The following ABCB6 variants were observed in gnomAD, a reference collection of about 807,000 sequenced individuals.
ABCB6 encodes ATP binding cassette subfamily B member 6 (LAN blood group), also known as ATP-binding cassette sub-family B member 6.
ABCB6 carries 87 observed loss-of-function variants against 99.4 expected under a neutral mutation model. The observed-to-expected ratio is 0.88, with a 90% CI of 0.74 to 1.05. The LOEUF (loss-of-function observed/expected upper bound fraction) is 1.05, where lower values mean the gene tolerates loss of function less well. Ranked by LOEUF, ABCB6 falls within the 50% of genes least tolerant of loss-of-function variation. The pLI, the probability that ABCB6 is intolerant of heterozygous loss-of-function variation, is 0.00. For missense variants in ABCB6, 1,050 were observed against 1,097.9 expected, an observed-to-expected ratio of 0.96 and a Z score of 0.62; for synonymous variants, 482 against 447.5, an observed-to-expected ratio of 1.08 and a Z score of -0.97.
rs777660932 is a variant in ABCB6 at position 219,210,024 on chromosome 2, C to A, written c.2443G>T (p.Gly815Cys). The change falls in exon 19 of 19, where the codon GGT (glycine) becomes TGT (cysteine). Residue 815 changes from glycine (G) to cysteine (C), a missense_variant. Gly to Cys is a radical substitution (Grantham distance 159). Transcript: ENST00000265316. ...TGCCACATGTCAGCATACACCCCAC[C>A]TCGGGACAACAGAGCCTCGTGTCTG... ...RGRHEALLSRGGVYADMWQLQ... is the reference protein window; with the variant it reads ...RGRHEALLSRCGVYADMWQLQ... 7 of 1,614,158 alleles carry A rather than the reference C, an allele frequency of 4.3e-6. No individual in the cohort carries two copies. In the South Asian group the frequency reaches 7.7e-5, roughly 18 times the overall value.
chr2:219,210,360 C>T, intron 17 of ABCB6, 21 bp downstream of exon 17: 1 of 1,614,224 alleles, frequency 6.2e-7, no homozygotes. Context: ...CACCAGCCGC[C>T]CCAGGCCTGT....
chr2:219,210,788 G>C lies in ABCB6; in HGVS notation c.2179C>G (p.Leu727Val). The change falls in exon 16 of 19, where the codon CTG becomes GTG. Residue 727 changes from leucine (L) to valine (V), a missense_variant. Transcript: ENST00000265316. ...ACGCGCTGCTTCTCCCCGCCGCTCA[G>C]CTTCAGTCCCCGCTCGCCCACCTGT... ...RTQVGERGLK[L>V]SGGEKQRVAI... 2 of 1,613,856 alleles carry C rather than the reference G, an allele frequency of 1.2e-6. No individual in the cohort carries two copies. The highest frequency in any genetic ancestry group is 1.7e-6 in the Non-Finnish European group (2 of 1,180,022).
Position 219,218,346 on chromosome 2 carries a change from C to T in ABCB6, c.328G>A (p.Ala110Thr), listed in dbSNP as rs1456712156. ...GAPLPSYLLL[A>T]SVLESLAGAC... ...CCGGCCAGACTCTCCAGCACGGAGG[C>T]CAGAAGTAGATAGCTTGGCAGTGGG... Residue 110 changes from alanine to threonine, a missense_variant, in exon 1 of 19, where the codon GCC (alanine) becomes ACC (threonine). Ala to Thr is a moderately conservative substitution (Grantham distance 58). Coordinates refer to ENST00000265316, the MANE Select transcript of ABCB6 (RefSeq NM_005689.4). 1 of 1,613,026 alleles carries T rather than the reference C, an allele frequency of 6.2e-7. No homozygotes were observed. Among genetic ancestry groups the T allele is most frequent in the Non-Finnish European group, 8.5e-7 (1 of 1,180,034 alleles).
Position 219,218,458 on chromosome 2 carries a change from G to A in ABCB6, c.216C>T (p.Pro72=). The change falls in exon 1 of 19, where the codon CCC becomes CCT. Residue 72 remains proline, a synonymous_variant. Coordinates refer to ENST00000265316, the MANE Select transcript of ABCB6 (RefSeq NM_005689.4). ...TGGCCAGAAGCAGCTGCAGCACGTA[G>A]GGAGAGATGCGAGGGCCGGCCCCCC... ...LSWGAGPRIS[P]YVLQLLLATL... 1 of 1,608,918 alleles carries A rather than the reference G, an allele frequency of 6.2e-7. No individual in the cohort carries two copies. Among genetic ancestry groups the A allele is most frequent in the Middle Eastern group, 1.7e-4 (1 of 6,052 alleles).
chr2:219,218,795 T>G lies in ABCB6; in HGVS notation c.-122A>C. 2 of 1,150,460 alleles carry G rather than the reference T, an allele frequency of 1.7e-6. No homozygotes were observed. The highest frequency in any genetic ancestry group is 2.4e-6 in the Non-Finnish European group (2 of 846,276). The allele number at this position is 1,150,460 out of a possible 1,614,324, so 71.3% of individuals were successfully genotyped here. On this transcript the variant is annotated 5_prime_UTR_variant, in exon 1 of 19. Coordinates refer to ENST00000265316, the MANE Select transcript of ABCB6 (RefSeq NM_005689.4). ...CTCACGTAGCCGCTGGGCGCCAAGCTGCGGGGGTCCCGGGAAGGGACGCAC... is the reference window on the plus strand; with the variant it reads ...CTCACGTAGCCGCTGGGCGCCAAGCGGCGGGGGTCCCGGGAAGGGACGCAC...
At position 219,209,869 on chromosome 2, in the gene ABCB6, G is replaced by C; in HGVS notation, c.*69C>G. Reference sequence around the variant, plus strand: ...ATACCCCAAGACCAGGATGAAATAAGCCAGGGAAAGGAGACACATCTTATT... The same window carrying C: ...ATACCCCAAGACCAGGATGAAATAACCCAGGGAAAGGAGACACATCTTATT... On this transcript the variant is annotated 3_prime_UTR_variant, in exon 19 of 19. Coordinates refer to ENST00000265316, the MANE Select transcript of ABCB6 (RefSeq NM_005689.4). 1 of 1,216,260 alleles carries C rather than the reference G, an allele frequency of 8.2e-7. No individual in the cohort carries two copies. The highest frequency in any genetic ancestry group is 1.2e-6 in the Non-Finnish European group (1 of 818,624). 75.3% of individuals were successfully genotyped at this position (1,216,260 alleles called of 1,614,324 possible).
At chr2:219,212,299 G>T in intron 14 of ABCB6, 88 bp downstream of exon 14, 1 of 1,135,628 alleles carries the variant, frequency 8.8e-7, no homozygotes, top group South Asian at 1.3e-5. Flanking sequence ...TTTTGCAAGG[G>T]TGACATCTCC....
In ABCB6 at chr2:219,213,847, A is replaced by G. The variant is rs752400873; in HGVS notation, c.1557T>C (p.Phe519=). The change falls in exon 9 of 19, where the codon TTT becomes TTC. Residue 519 remains phenylalanine, a synonymous_variant. Coordinates refer to ENST00000265316, the MANE Select transcript of ABCB6 (RefSeq NM_005689.4). ...TCACCTGTAGCTTCTGCTCAGTGAC[A>G]AAGTATGCGCAAAGCAGGGAGCCGG... ...LLAGSLLCAY[F]VTEQKLQVGD... 6.2e-6 allele frequency: 10 copies of G among 1,613,940 alleles called. No homozygotes were observed. In the Admixed American group the frequency reaches 1.2e-4, roughly 19 times the overall value.
In ABCB6 at chr2:219,210,761, C is replaced by G. The variant is rs1456564537; in HGVS notation, c.2206G>C (p.Ala736Pro). 4.3e-6 allele frequency: 7 copies of G among 1,613,716 alleles called. No homozygotes were observed. The East Asian group carries it at 1.6e-4, about 36-fold the overall frequency. ...GCCTTGAGGATGGTGCGGGCAATGG[C>G]GACGCGCTGCTTCTCCCCGCCGCTC... ...KLSGGEKQRV[A>P]IARTILKAPG... The change falls in exon 16 of 19, where the codon GCC becomes CCC. Residue 736 changes from alanine to proline, a missense_variant. Physicochemically the swap from Ala to Pro is conservative, Grantham distance 27 (BLOSUM62 -1). Coordinates refer to ENST00000265316, the MANE Select transcript of ABCB6 (RefSeq NM_005689.4).
At position 219,218,303 on chromosome 2, in the gene ABCB6, A is replaced by G; in HGVS notation, c.371T>C (p.Leu124Pro). The G allele has an allele frequency of 6.2e-7, 1 of 1,613,318 alleles. No homozygotes were observed. The highest frequency in any genetic ancestry group is 1.1e-5 in the South Asian group (1 of 91,084). Residue 124 changes from leucine (L) to proline (P), a missense_variant, in exon 1 of 19, where the codon CTG becomes CCG. Leu to Pro is a moderately conservative substitution (Grantham distance 98). Transcript: ENST00000265316. ...TGCCTGGCTCCGCTCCACGACAAGC[A>G]GCCACAGGCCACAGGCGCCGGCCAG... is the stretch of plus-strand genomic sequence containing the variant. ...ESLAGACGLW[L>P]LVVERSQARQ...
chr2:219,213,868 G>A lies in ABCB6; in HGVS notation c.1536C>T (p.Gly512=), dbSNP rs1465371173. Residue 512 remains glycine, a synonymous_variant, in exon 9 of 19, where the codon GGC becomes GGT. Coordinates refer to ENST00000265316, the MANE Select transcript of ABCB6 (RefSeq NM_005689.4). ...NLVIGLGLLA[G]SLLCAYFVTE... ...TGACAAAGTATGCGCAAAGCAGGGAGCCGGCGAGGAGCCCGAGCCCAATCA... is the reference window on the plus strand; with the variant it reads ...TGACAAAGTATGCGCAAAGCAGGGAACCGGCGAGGAGCCCGAGCCCAATCA... 6.2e-7 allele frequency: 1 copy of A among 1,614,180 alleles called. No homozygotes were observed. Among genetic ancestry groups the A allele is most frequent in the South Asian group, 1.1e-5 (1 of 91,084 alleles).
At position 219,216,145 on chromosome 2, in the gene ABCB6, G is replaced by C. The variant is rs776674652; in HGVS notation, c.1006C>G (p.Arg336Gly). The C allele has an allele frequency of 1.9e-6, 3 of 1,600,820 alleles. No individual in the cohort carries two copies. Among genetic ancestry groups the C allele is most frequent in the Middle Eastern group, 3.5e-4 (2 of 5,700 alleles). Residue 336 changes from arginine to glycine, a missense_variant, in exon 5 of 19, where the codon CGG becomes GGG. Coordinates refer to ENST00000265316, the MANE Select transcript of ABCB6 (RefSeq NM_005689.4). This position sits in a 1 kb window ranked among gnomAD's most constrained non-coding sequence, Gnocchi z 4.2. ...VSNLRTFLWI[R>G]VQQFTSRRVE... is the part of the protein sequence containing the mutation. Reference sequence around the variant, plus strand: ...CGCCGAGACGTGAACTGCTGCACCCGGATCCACAGGAAGGTGCGCAGGTTG... The same window carrying C: ...CGCCGAGACGTGAACTGCTGCACCCCGATCCACAGGAAGGTGCGCAGGTTG...
At position 219,209,835 on chromosome 2, in the gene ABCB6, G is replaced by C. The variant is rs1469864591; in HGVS notation, c.*103C>G. 2.2e-6 allele frequency: 2 copies of C among 915,262 alleles called. No individual in the cohort carries two copies. Among genetic ancestry groups the C allele is most frequent in the Non-Finnish European group, 3.6e-6 (2 of 553,230 alleles). 56.7% of individuals were successfully genotyped at this position (915,262 alleles called of 1,614,324 possible). On this transcript the variant is annotated 3_prime_UTR_variant, in exon 19 of 19. Transcript: ENST00000265316. ...GGAAAGGTCCCTTTCCCTTACCATA[G>C]CTAGCACCATACCCCAAGACCAGGA...
Position 219,212,348 on chromosome 2 carries a change from T to C in ABCB6, c.1968+39A>G, listed in dbSNP as rs369013558. On this transcript the variant is annotated intron_variant, in intron 14 of 18. Coordinates refer to ENST00000265316, the MANE Select transcript of ABCB6 (RefSeq NM_005689.4). ...CCAGCCCTTATCATTCCTCCACACGTAGACCCCTAAACCACCGTCTTCTCC... is the reference window on the plus strand; with the variant it reads ...CCAGCCCTTATCATTCCTCCACACGCAGACCCCTAAACCACCGTCTTCTCC... The C allele has an allele frequency of 3.2e-5, 50 of 1,565,290 alleles. No homozygotes were observed. In the African/African-American group the frequency reaches 5.9e-4, roughly 19 times the overall value.
rs369203938 is a variant in ABCB6, at chr2:219,218,221, C to G, written c.453G>C (p.Leu151=). Residue 151 remains leucine (L), a synonymous_variant, in exon 1 of 19, where the codon CTG becomes CTC. Coordinates refer to ENST00000265316, the MANE Select transcript of ABCB6 (RefSeq NM_005689.4). ...WIKFRHSPGL[L]LLWTVAFAAE... ...CTGCAAACGCCACAGTCCAGAGGAG[C>G]AGGAGACCAGGGCTGTGCCTGAACT... 2 of 1,613,822 alleles carry G rather than the reference C, an allele frequency of 1.2e-6. No individual in the cohort carries two copies. The highest frequency in any genetic ancestry group is 1.7e-6 in the Non-Finnish European group (2 of 1,180,038).
In ABCB6 at chr2:219,215,090, G is replaced by A. The variant is rs568396945; in HGVS notation, c.1155-8C>T. On this transcript the variant is annotated splice_region_variant and splice_polypyrimidine_tract_variant and intron_variant, in intron 5 of 18. Transcript: ENST00000265316. ...ACATTGAACACCAGGTAGCTAGGAG[G>A]GCAGGTCAAGTGAATAAGAAAGGTC... is the stretch of plus-strand genomic sequence containing the variant. The A allele has an allele frequency of 1.9e-6, 3 of 1,614,010 alleles. No individual in the cohort carries two copies. The Admixed American group carries it at 5.0e-5, about 27-fold the overall frequency.
At position 219,216,381 on chromosome 2, in the gene ABCB6, C is replaced by A; in HGVS notation, c.953G>T (p.Gly318Val). Reference sequence around the variant, plus strand: ...TCTCATACCTGTACTGCCAGTGCCACCCCCCTGGAGGAACTTGAGGAAGAC... The same window carrying A: ...TCTCATACCTGTACTGCCAGTGCCAACCCCCTGGAGGAACTTGAGGAAGAC... ...SYVFLKFLQG[G>V]GTGSTGFVSN... is the part of the protein sequence containing the mutation. Residue 318 changes from glycine (G) to valine (V), a missense_variant, in exon 4 of 19, where the codon GGT becomes GTT. Transcript: ENST00000265316. This position sits in a 1 kb window ranked among gnomAD's most constrained non-coding sequence, Gnocchi z 4.2. 6.2e-6 allele frequency: 10 copies of A among 1,613,402 alleles called. No individual in the cohort carries two copies. Among genetic ancestry groups the A allele is most frequent in the South Asian group, 1.1e-5 (1 of 91,076 alleles).
In ABCB6 at chr2:219,216,373, C is replaced by T; in HGVS notation, c.961G>A (p.Gly321Ser). 1 of 1,613,960 alleles carries T rather than the reference C, an allele frequency of 6.2e-7. No individual in the cohort carries two copies. Among genetic ancestry groups the T allele is most frequent in the Non-Finnish European group, 8.5e-7 (1 of 1,179,856 alleles). Residue 321 changes from glycine (G) to serine (S), a missense_variant, in exon 4 of 19, where the codon GGC becomes AGC. Transcript: ENST00000265316. This position sits in a 1 kb window ranked among gnomAD's most constrained non-coding sequence, Gnocchi z 4.2. ...GCGGAGTCTCTCATACCTGTACTGC[C>T]AGTGCCACCCCCCTGGAGGAACTTG... ...FLKFLQGGGT[G>S]STGFVSNLRT...
At chr2:219,211,300 CT>C (rs1444415510) in intron 14 of ABCB6, among the ~76,000 whole-genome samples, 192 bp from the exon 15 acceptor site, 3 of 152,176 alleles carry the variant, frequency 2.0e-5, no homozygotes, top group African/African-American at 7.2e-5. Flanking sequence ...CACCAGATTG[CT>C]GCAGATGTTT....
Sources: gnomAD v4.1 joint callset for allele counts (sites outside exome capture counted in the v4.1 genomes callset) on GRCh38, gnomAD v4.1.1 for gene constraint, Gnocchi (gnomAD v3.1) non-coding constraint, MANE v1.5 for transcripts, NCBI Gene and HGNC (gene_info 2026-07-23, HGNC 2026-07-21) for gene names.